FGL1: variants seen among roughly 807,000 people sequenced by gnomAD.
FGL1 encodes fibrinogen-like protein 1.
In FGL1, 59 loss-of-function variants were observed where a neutral mutation model predicts 43.7. The observed-to-expected ratio is 1.35, with a 90% CI of 1.10 to 1.68. The LOEUF (loss-of-function observed/expected upper bound fraction) is 1.68. Among genes scored for constraint, FGL1 ranks in the 40% most tolerant of loss-of-function variants. FGL1 has a pLI of 0.00. For missense variants in FGL1, 596 were observed against 373.0 expected (o/e 1.60, Z -4.92); for synonymous variants, 192 against 126.5 (o/e 1.52, Z -3.48).
chr8:17,867,725 T>C (rs564903439), intron 7 of FGL1, among the ~76,000 whole-genome samples: 1 of 152,290 alleles, frequency 6.6e-6, no homozygotes, highest in Admixed American at 6.5e-5. Context: ...GTGACCCACC[T>C]CCTGGGCAGA....
At chr8:17,885,817 T>A in intron 1 of FGL1, 1 of 440,792 alleles carries the variant, frequency 2.3e-6, no homozygotes, top group East Asian at 3.8e-5. Flanking sequence ...TTCGCTATCC[T>A]AATGTGCTGT....
intron 5 of FGL1, among the ~76,000 whole-genome samples, chr8:17,873,106 C>A (rs1237022914): frequency 6.6e-6 from 1 of 152,098 alleles, no homozygotes; most frequent in African/African-American, 2.4e-5. Context: ...GGAAAAATAG[C>A]ACCAATTGCC....
Position 17,895,427 on chromosome 8 carries a change from A to G in FGL1, c.-18+20T>C. Reference sequence around the variant, plus strand: ...ATTATTACAAGCATGTCAAAAATGCAGAGACATTAAATAACTTGCCTAAAG... The same window carrying G: ...ATTATTACAAGCATGTCAAAAATGCGGAGACATTAAATAACTTGCCTAAAG... On this transcript the variant is annotated intron_variant, in intron 1 of 7. Transcript: ENST00000427924. The G allele has an allele frequency of 7.8e-7, 1 of 1,282,740 alleles. No homozygotes were observed. Among genetic ancestry groups the G allele is most frequent in the Non-Finnish European group, 1.0e-6 (1 of 984,230 alleles). 79.5% of individuals were successfully genotyped at this position (1,282,740 alleles called of 1,614,324 possible).
intron 3 of FGL1, among the ~76,000 whole-genome samples, chr8:17,877,715 CAT>C (rs2053477217): frequency 6.6e-6 from 1 of 152,014 alleles, no homozygotes; most frequent in Non-Finnish European, 1.5e-5. Flanking sequence ...ATAATAATCA[CAT>C]CATGGAAAAT....
intron 1 of FGL1, among the ~76,000 whole-genome samples, chr8:17,892,584 A>G (rs2053719988): frequency 6.6e-6 from 1 of 152,188 alleles, no homozygotes; most frequent in Non-Finnish European, 1.5e-5. Flanking sequence ...TGTGACTCCA[A>G]CTCAAATTGT....
At chr8:17,873,742 T>G (rs1398229304) in intron 5 of FGL1, among the ~76,000 whole-genome samples, 1 of 149,870 alleles carries the variant, frequency 6.7e-6, no homozygotes, top group Non-Finnish European at 1.5e-5. Flanking sequence ...ATATATACTA[T>G]GTATAGAATG....
intron 2 of FGL1, among the ~76,000 whole-genome samples, chr8:17,885,012 A>G (rs2053606576): frequency 6.6e-6 from 1 of 151,820 alleles, no homozygotes; most frequent in Admixed American, 6.6e-5. Flanking sequence ...CTTATTTATT[A>G]TGAATACTTT....
chr8:17,876,688 T>A (rs975891604), intron 3 of FGL1, among the ~76,000 whole-genome samples: 2 of 152,156 alleles, frequency 1.3e-5, no homozygotes, highest in South Asian at 2.1e-4. Context: ...GGAAAGAAGC[T>A]TTTTGCTTAC....
At chr8:17,867,758 C>G (rs952701159) in intron 7 of FGL1, among the ~76,000 whole-genome samples, 1 of 152,186 alleles carries the variant, frequency 6.6e-6, no homozygotes, top group East Asian at 1.9e-4. Flanking sequence ...GTGCGAATCT[C>G]TGCTCAGAAT....
chr8:17,865,492 A>G (rs13250201), intron 7 of FGL1, among the ~76,000 whole-genome samples: 3,463 of 152,196 alleles, frequency 0.023, 61 homozygotes, highest in Non-Finnish European at 0.037. Flanking sequence ...ACAAACCTAA[A>G]TCACCATTTA....
chr8:17,889,027 G>A (rs369228182), intron 1 of FGL1, among the ~76,000 whole-genome samples: 1 of 152,134 alleles, frequency 6.6e-6, no homozygotes, highest in Admixed American at 6.5e-5. Flanking sequence ...GGGACAGTAA[G>A]CGTAGTTCCA....
chr8:17,884,100 CCTT>C (rs1245210439), intron 2 of FGL1, among the ~76,000 whole-genome samples: 29 of 139,518 alleles, frequency 2.1e-4, no homozygotes, highest in African/African-American at 6.7e-4. Flanking sequence ...TCCCTCCCTT[CCTT>C]CTTTTCTTTT....
intron 7 of FGL1, among the ~76,000 whole-genome samples, chr8:17,868,017 G>A (rs929690172): frequency 2.6e-5 from 4 of 152,152 alleles, no homozygotes; most frequent in Non-Finnish European, 4.4e-5. Context: ...TGCTGATAAA[G>A]TAACATGAAT....
chr8:17,891,045 T>C (rs1385614112), intron 1 of FGL1, among the ~76,000 whole-genome samples: 1 of 152,190 alleles, frequency 6.6e-6, no homozygotes, highest in Non-Finnish European at 1.5e-5. Context: ...TATCACCAAA[T>C]ATAATGAAAT....
intron 1 of FGL1, among the ~76,000 whole-genome samples, chr8:17,890,226 A>C (rs1221964975): frequency 6.6e-6 from 1 of 152,194 alleles, no homozygotes. Flanking sequence ...TGTCTGGCCC[A>C]AGCTACCAAT....
chr8:17,878,284 T>C (rs772249124), intron 3 of FGL1, among the ~76,000 whole-genome samples: 5 of 152,238 alleles, frequency 3.3e-5, no homozygotes, highest in Non-Finnish European at 7.3e-5. Context: ...TATATTTTAA[T>C]CCTTACAACA....
intron 3 of FGL1, among the ~76,000 whole-genome samples, chr8:17,876,833 T>C: frequency 6.6e-6 from 1 of 152,174 alleles, no homozygotes; most frequent in East Asian, 1.9e-4. Context: ...CAGCCAAAAT[T>C]TTCTACTTGT....
intron 3 of FGL1, among the ~76,000 whole-genome samples, chr8:17,876,332 G>T (rs2053455847): frequency 6.6e-6 from 1 of 151,954 alleles, no homozygotes; most frequent in Non-Finnish European, 1.5e-5. Flanking sequence ...CATTAAGTAG[G>T]TGAATAGGCC....
At chr8:17,871,136 A>G (rs980048394) in intron 5 of FGL1, among the ~76,000 whole-genome samples, 2 of 152,150 alleles carry the variant, frequency 1.3e-5, no homozygotes, top group Non-Finnish European at 1.5e-5. Flanking sequence ...TAAAGGTCAC[A>G]GGAGAAAAGA....
Sources: gnomAD v4.1 joint callset for allele counts (sites outside exome capture counted in the v4.1 genomes callset) on GRCh38, gnomAD v4.1.1 for gene constraint, MANE v1.5 for transcripts, NCBI Gene and HGNC (gene_info 2026-07-23, HGNC 2026-07-21) for gene names.